The following NTM variants were observed in gnomAD, a reference collection of about 807,000 sequenced individuals.
The protein encoded by NTM is neurotrimin.
A neutral mutation model predicts 42.1 loss-of-function variants in NTM; 13 were observed. That is an observed-to-expected ratio of 0.31 (90% CI 0.20 to 0.49). NTM has a LOEUF of 0.49. Among genes scored for constraint, NTM ranks in the 20% least tolerant of loss-of-function variants. NTM has a pLI of 0.99. For synonymous variants in NTM, 187 were observed against 179.2 expected (o/e 1.04, Z -0.35); for missense variants, 373 against 452.8 (o/e 0.82, Z 1.60).
intron 3 of NTM, among the ~76,000 whole-genome samples, chr11:132,202,787 G>A (rs1036424400): frequency 6.6e-6 from 1 of 152,166 alleles, no homozygotes; most frequent in African/African-American, 2.4e-5. Context: ...CCACATTTCA[G>A]TTGATCCTGA....
chr11:132,217,973 G>C (rs2084268342), intron 4 of NTM, among the ~76,000 whole-genome samples: 1 of 152,058 alleles, frequency 6.6e-6, no homozygotes, highest in South Asian at 2.1e-4. Flanking sequence ...ATTGGCACTA[G>C]AGGTATCACA....
chr11:131,398,207 A>G (rs1944762375), intron 1 of NTM, among the ~76,000 whole-genome samples: 1 of 152,194 alleles, frequency 6.6e-6, no homozygotes, highest in Non-Finnish European at 1.5e-5. Flanking sequence ...TATATCATCA[A>G]ATCTTCATGA....
chr11:131,417,857 A>G (rs1163421995), intron 1 of NTM, among the ~76,000 whole-genome samples: 1 of 152,196 alleles, frequency 6.6e-6, no homozygotes, highest in Non-Finnish European at 1.5e-5. Flanking sequence ...GTTGTATTTT[A>G]TGTCTCACCT....
chr11:131,597,925 G>GA (rs2059956471), intron 1 of NTM, among the ~76,000 whole-genome samples: 1 of 152,194 alleles, frequency 6.6e-6, no homozygotes, highest in Admixed American at 6.5e-5. Flanking sequence ...TAGCCCATTA[G>GA]AAAATCCCAA....
At chr11:131,453,431 G>A (rs1950628205) in intron 1 of NTM, among the ~76,000 whole-genome samples, 1 of 152,058 alleles carries the variant, frequency 6.6e-6, no homozygotes, top group Admixed American at 6.6e-5. Context: ...ACCCTATTAT[G>A]AATTAGGCCA....
At chr11:132,030,462 C>A (rs1329361866) in intron 2 of NTM, among the ~76,000 whole-genome samples, 1 of 152,042 alleles carries the variant, frequency 6.6e-6, no homozygotes, top group Non-Finnish European at 1.5e-5. Context: ...GGCCTATAGG[C>A]TAAAAAGTAA....
chr11:132,029,519 G>T (rs544171645), intron 2 of NTM, among the ~76,000 whole-genome samples: 1 of 151,946 alleles, frequency 6.6e-6, no homozygotes, highest in Non-Finnish European at 1.5e-5. Context: ...CTTTCGGTTT[G>T]GTCAGCTTTT....
At chr11:131,870,704 TC>T in intron 1 of NTM, among the ~76,000 whole-genome samples, 1 of 152,084 alleles carries the variant, frequency 6.6e-6, no homozygotes, top group East Asian at 1.9e-4. Context: ...AGAAGCCAAT[TC>T]TCAGAGAGAA....
intron 2 of NTM, among the ~76,000 whole-genome samples, chr11:132,097,784 G>C (rs1465425520): frequency 2.0e-5 from 3 of 152,192 alleles, no homozygotes; most frequent in African/African-American, 7.2e-5. Flanking sequence ...GCTTCATGCA[G>C]GTCATTGTGA....
chr11:132,113,680 A>C (rs577833846), intron 2 of NTM, among the ~76,000 whole-genome samples: 1 of 152,202 alleles, frequency 6.6e-6, no homozygotes, highest in Non-Finnish European at 1.5e-5. Flanking sequence ...TGGGTTGTCA[A>C]TGAAGCCAAT....
At chr11:131,706,417 T>C (rs1297093833) in intron 1 of NTM, among the ~76,000 whole-genome samples, 1 of 152,016 alleles carries the variant, frequency 6.6e-6, no homozygotes, top group East Asian at 1.9e-4. Context: ...CAATAATGTA[T>C]AGCTTACTCA....
intron 4 of NTM, among the ~76,000 whole-genome samples, chr11:132,226,877 C>T (rs1262794030): frequency 1.3e-5 from 2 of 152,162 alleles, no homozygotes; most frequent in African/African-American, 4.8e-5. Context: ...AGATTTGTGG[C>T]CTGGGCTGCT....
intron 2 of NTM, among the ~76,000 whole-genome samples, chr11:132,108,266 A>G (rs2062673543): frequency 6.6e-6 from 1 of 152,226 alleles, no homozygotes; most frequent in Non-Finnish European, 1.5e-5. Context: ...CAAAACGACA[A>G]TAGCTGCATG....
chr11:131,467,775 G>C (rs1045571674), intron 1 of NTM, among the ~76,000 whole-genome samples: 3 of 152,184 alleles, frequency 2.0e-5, no homozygotes, highest in Admixed American at 6.5e-5. Context: ...AGTGTGTGCT[G>C]TGTGGGTCAC....
intron 1 of NTM, among the ~76,000 whole-genome samples, chr11:131,527,567 G>A (rs2050678435): frequency 1.3e-5 from 2 of 152,180 alleles, no homozygotes; most frequent in African/African-American, 4.8e-5. Flanking sequence ...GGATAGAGAA[G>A]GAGGAAAAAG....
chr11:131,486,707 C>G (rs1473665875), intron 1 of NTM, among the ~76,000 whole-genome samples: 5 of 152,320 alleles, frequency 3.3e-5, no homozygotes, highest in South Asian at 4.1e-4. Flanking sequence ...CTCCCATCAC[C>G]CTGGCAGCCT....
At chr11:131,642,084 A>C (rs189134004) in intron 1 of NTM, among the ~76,000 whole-genome samples, 1 of 152,298 alleles carries the variant, frequency 6.6e-6, no homozygotes, top group Non-Finnish European at 1.5e-5. Flanking sequence ...GAAGAGGAGA[A>C]CAAAAGGAGA....
chr11:131,506,838 G>T (rs2047550446), intron 1 of NTM, among the ~76,000 whole-genome samples: 1 of 152,166 alleles, frequency 6.6e-6, no homozygotes, highest in African/African-American at 2.4e-5. Context: ...AGGTACCTCT[G>T]TCCTTTTAAT....
intron 1 of NTM, among the ~76,000 whole-genome samples, chr11:131,710,478 G>A (rs908292601): frequency 1.4e-4 from 21 of 152,088 alleles, no homozygotes; most frequent in African/African-American, 4.8e-4. Flanking sequence ...TGGCTCTAGT[G>A]TTTCTCCAGC....
Sources: gnomAD v4.1 joint callset for allele counts (sites outside exome capture counted in the v4.1 genomes callset) on GRCh38, gnomAD v4.1.1 for gene constraint, MANE v1.5 for transcripts, NCBI Gene and HGNC (gene_info 2026-07-23, HGNC 2026-07-21) for gene names.